CNTN4: variants seen among roughly 807,000 people sequenced by gnomAD.
CNTN4 encodes contactin 4.
In CNTN4, 77 loss-of-function variants were observed where a neutral mutation model predicts 122.5. That is an observed-to-expected ratio of 0.63 (90% CI 0.52 to 0.76). The LOEUF is 0.76. CNTN4 is among the 30% of genes least tolerant of loss of function. The pLI is 0.00. For synonymous variants in CNTN4, 512 were observed against 447.0 expected, an observed-to-expected ratio of 1.15 and a Z score of -1.83; for missense variants, 1,256 against 1,259.1, an observed-to-expected ratio of 1.00 and a Z score of 0.04.
At chr3:2,800,569 C>G (rs1422027610) in intron 6 of CNTN4, among the ~76,000 whole-genome samples, 1 of 152,162 alleles carries the variant, frequency 6.6e-6, no homozygotes, top group East Asian at 1.9e-4. Flanking sequence ...CTCTGCCAGA[C>G]ATGTAATAAG....
intron 2 of CNTN4, among the ~76,000 whole-genome samples, chr3:2,122,624 G>C (rs1366440162): frequency 6.6e-6 from 1 of 152,104 alleles, no homozygotes; most frequent in Non-Finnish European, 1.5e-5. Flanking sequence ...AGAAGAATTG[G>C]AATTTTTTTG....
intron 2 of CNTN4, among the ~76,000 whole-genome samples, chr3:2,302,245 A>G (rs1009527959): frequency 2.6e-5 from 4 of 152,212 alleles, no homozygotes; most frequent in Admixed American, 2.0e-4. Flanking sequence ...CCTGGCCAAC[A>G]TGGGGAAACC....
chr3:2,890,477 G>A (rs1312409267), intron 10 of CNTN4, among the ~76,000 whole-genome samples: 1 of 152,228 alleles, frequency 6.6e-6, no homozygotes, highest in Non-Finnish European at 1.5e-5. Context: ...ATGGGTTTGA[G>A]CTTAGAAACC....
At chr3:2,437,720 G>C (rs2048304240) in intron 3 of CNTN4, among the ~76,000 whole-genome samples, 1 of 152,180 alleles carries the variant, frequency 6.6e-6, no homozygotes. Flanking sequence ...TTATGATTCA[G>C]GTGGCTTCTA....
intron 2 of CNTN4, among the ~76,000 whole-genome samples, chr3:2,136,282 C>G (rs955907026): frequency 6.6e-6 from 1 of 152,176 alleles, no homozygotes; most frequent in African/African-American, 2.4e-5. Flanking sequence ...GAAGCTGTAC[C>G]TGAAGCTAGG....
At chr3:2,414,928 A>C (rs2047359543) in intron 3 of CNTN4, among the ~76,000 whole-genome samples, 1 of 152,242 alleles carries the variant, frequency 6.6e-6, no homozygotes, top group Non-Finnish European at 1.5e-5. Flanking sequence ...ATAGAAAGAA[A>C]ATAAACATTG....
intron 3 of CNTN4, among the ~76,000 whole-genome samples, chr3:2,425,699 A>T (rs984650228): frequency 2.0e-5 from 3 of 152,182 alleles, no homozygotes; most frequent in Non-Finnish European, 4.4e-5. Context: ...CTTCCTATCC[A>T]TGAGCATGGA....
At chr3:2,765,777 T>G (rs1366883284) in intron 6 of CNTN4, among the ~76,000 whole-genome samples, 1 of 152,152 alleles carries the variant, frequency 6.6e-6, no homozygotes, top group African/African-American at 2.4e-5. Context: ...AATTCCTTAT[T>G]CAAGAAATCT....
chr3:2,298,688 A>G (rs983276567), intron 2 of CNTN4, among the ~76,000 whole-genome samples: 1 of 152,208 alleles, frequency 6.6e-6, no homozygotes, highest in African/African-American at 2.4e-5. Flanking sequence ...AGTATTGTGT[A>G]TGAAATATAT....
chr3:2,099,374 C>G (rs1236380729), intron 1 of CNTN4: 1 of 152,336 alleles, frequency 6.6e-6, no homozygotes, highest in Non-Finnish European at 1.5e-5. Flanking sequence ...CCGACTGGTT[C>G]GGGCTACTGC....
intron 4 of CNTN4, among the ~76,000 whole-genome samples, chr3:2,627,709 G>C (rs550267428): frequency 6.6e-6 from 1 of 151,952 alleles, no homozygotes; most frequent in Non-Finnish European, 1.5e-5. Context: ...TAGCCAGGAT[G>C]GTCTCGATCT....
chr3:2,745,103 A>G (rs886601790), intron 5 of CNTN4, among the ~76,000 whole-genome samples: 2 of 152,208 alleles, frequency 1.3e-5, no homozygotes, highest in African/African-American at 4.8e-5. Flanking sequence ...ATACTTAGCA[A>G]TCTACCTGGA....
intron 3 of CNTN4, among the ~76,000 whole-genome samples, chr3:2,377,737 A>G (rs2045873182): frequency 6.6e-6 from 1 of 151,790 alleles, no homozygotes; most frequent in African/African-American, 2.4e-5. Flanking sequence ...CCCAGTATAA[A>G]TTTGTAAACT....
At chr3:2,380,345 C>A (rs1050174560) in intron 3 of CNTN4, among the ~76,000 whole-genome samples, 5 of 152,224 alleles carry the variant, frequency 3.3e-5, no homozygotes, top group African/African-American at 1.2e-4. Context: ...TCTTTTGATT[C>A]TTTAAGTCAT....
intron 2 of CNTN4, among the ~76,000 whole-genome samples, chr3:2,124,090 A>G (rs995688959): frequency 3.9e-5 from 6 of 152,134 alleles, no homozygotes; most frequent in East Asian, 1.9e-4. Context: ...AAATAAGGGG[A>G]AAAAAATCAC....
rs564240694 is a variant in CNTN4 at position 2,368,917 on chromosome 3, T to A, written c.-89+29684T>A. ...CCTAAGACTAAAGCACAGAAACATG[T>A]CCATAAAAATTGTGATTGTTTTTTT... On this transcript the variant is annotated intron_variant, in intron 3 of 24. Coordinates refer to ENST00000418658, the MANE Select transcript of CNTN4 (RefSeq NM_175607.3). Among the ~76,000 whole-genome samples, 36 of 152,236 alleles carry A rather than the reference T, an allele frequency of 2.4e-4. 2 individuals carry two copies. In the South Asian group the frequency reaches 6.8e-3, roughly 29 times the overall value.
intron 14 of CNTN4, among the ~76,000 whole-genome samples, chr3:2,997,189 G>T (rs1695613936): frequency 6.6e-6 from 1 of 152,208 alleles, no homozygotes; most frequent in Non-Finnish European, 1.5e-5. Flanking sequence ...AAAGAGAAAA[G>T]AAAACTTAGG....
chr3:2,574,669 C>A (rs576287075), intron 4 of CNTN4, among the ~76,000 whole-genome samples: 1 of 151,966 alleles, frequency 6.6e-6, no homozygotes, highest in Non-Finnish European at 1.5e-5. Context: ...ATCATAAAAC[C>A]CTGCTACCTA....
chr3:2,383,710 C>A (rs527904391), intron 3 of CNTN4, among the ~76,000 whole-genome samples: 1 of 149,376 alleles, frequency 6.7e-6, no homozygotes, highest in African/African-American at 2.5e-5. Context: ...TCTTTCCCTC[C>A]CTCTCCTTCT....
Sources: gnomAD v4.1 joint callset for allele counts (sites outside exome capture counted in the v4.1 genomes callset) on GRCh38, gnomAD v4.1.1 for gene constraint, MANE v1.5 for transcripts, NCBI Gene and HGNC (gene_info 2026-07-23, HGNC 2026-07-21) for gene names.